Variants in BMPER observed in about 807,000 individuals in gnomAD.
BMPER encodes the protein BMP-binding endothelial regulator protein.
Under a neutral mutation model 87.3 loss-of-function variants are expected in BMPER, and 45 were observed. The observed-to-expected ratio is 0.52, with a 90% CI of 0.41 to 0.66. BMPER has a LOEUF of 0.66. Among genes scored for constraint, BMPER ranks in the 30% least tolerant of loss-of-function variants. The probability of loss-of-function intolerance (pLI) is 0.00; values close to 1 mark genes in which losing one functional copy is unlikely to be tolerated. For synonymous variants in BMPER, 326 were observed against 316.2 expected (o/e 1.03, Z -0.33); for missense variants, 784 against 867.5 (o/e 0.90, Z 1.21).
At chr7:34,128,433 C>T (rs1232233374) in intron 13 of BMPER, among the ~76,000 whole-genome samples, 1 of 152,118 alleles carries the variant, frequency 6.6e-6, no homozygotes, top group African/African-American at 2.4e-5. Context: ...TCATCTTTGT[C>T]CCTTGCTCAG....
intron 3 of BMPER, among the ~76,000 whole-genome samples, chr7:33,960,659 G>T (rs936521148): frequency 1.3e-5 from 2 of 152,178 alleles, no homozygotes; most frequent in African/African-American, 4.8e-5. Context: ...GATTTTGAAA[G>T]GAAAAGGCAC....
At chr7:33,957,767 A>G (rs1172213357) in intron 3 of BMPER, among the ~76,000 whole-genome samples, 1 of 152,158 alleles carries the variant, frequency 6.6e-6, no homozygotes, top group African/African-American at 2.4e-5. Context: ...GTGAATCTAT[A>G]TTTCAGAATT....
intron 13 of BMPER, among the ~76,000 whole-genome samples, chr7:34,132,402 A>G (rs190021220): frequency 5.1e-4 from 77 of 151,286 alleles, no homozygotes; most frequent in Admixed American, 1.3e-3. Context: ...CCACACCCCA[A>G]AGGCCCCAGG....
chr7:34,023,457 A>C (rs1231869923), intron 6 of BMPER, among the ~76,000 whole-genome samples: 1 of 152,054 alleles, frequency 6.6e-6, no homozygotes, highest in Non-Finnish European at 1.5e-5. Context: ...GATGTTAGTC[A>C]TAGAATCAGC....
intron 6 of BMPER, among the ~76,000 whole-genome samples, chr7:33,978,251 G>A (rs1013136729): frequency 6.6e-5 from 10 of 152,196 alleles, no homozygotes; most frequent in Non-Finnish European, 1.3e-4. Flanking sequence ...GCGCCATCTT[G>A]GAAGCAGAGA....
chr7:34,067,150 T>G (rs1270660664), intron 11 of BMPER: 1 of 152,228 alleles, frequency 6.6e-6, no homozygotes, highest in African/African-American at 2.4e-5. Context: ...CAGCAGCTCA[T>G]GGTGAGAGGA....
intron 13 of BMPER, among the ~76,000 whole-genome samples, chr7:34,121,879 T>G (rs1016463172): frequency 6.6e-6 from 1 of 152,012 alleles, no homozygotes; most frequent in Non-Finnish European, 1.5e-5. Flanking sequence ...CCCAGTACTT[T>G]GGGAGGCCAA....
chr7:34,065,234 CTCTCTCTCTCT>C, intron 11 of BMPER, among the ~76,000 whole-genome samples: 1 of 150,798 alleles, frequency 6.6e-6, no homozygotes, highest in African/African-American at 2.5e-5. Context: ...CTCTCTCTCT[CTCTCTCTCTCT>C]CTCCCTCTCT....
At chr7:33,933,910 A>C (rs907952434) in intron 2 of BMPER, among the ~76,000 whole-genome samples, 2 of 152,242 alleles carry the variant, frequency 1.3e-5, no homozygotes, top group African/African-American at 4.8e-5. Flanking sequence ...CTCCTCTGTA[A>C]GATGGCGATC....
At chr7:34,076,965 G>A (rs973286547) in intron 11 of BMPER, among the ~76,000 whole-genome samples, 1 of 152,164 alleles carries the variant, frequency 6.6e-6, no homozygotes, top group Non-Finnish European at 1.5e-5. Flanking sequence ...TTGCTGAGAA[G>A]GTGGAGTTAA....
chr7:34,141,040 T>C (rs569571528), intron 13 of BMPER, among the ~76,000 whole-genome samples: 29 of 151,548 alleles, frequency 1.9e-4, no homozygotes, highest in African/African-American at 6.6e-4. Context: ...GGTTAGAACC[T>C]GGGGCAGCCG....
chr7:34,149,344 T>G (rs1791112351), intron 14 of BMPER, among the ~76,000 whole-genome samples: 1 of 152,130 alleles, frequency 6.6e-6, no homozygotes, highest in South Asian at 2.1e-4. Context: ...TTAAAGCAAA[T>G]AAGCAAATAA....
chr7:34,056,410 A>T (rs1340382728), intron 9 of BMPER, among the ~76,000 whole-genome samples: 1 of 152,202 alleles, frequency 6.6e-6, no homozygotes, highest in Non-Finnish European at 1.5e-5. Flanking sequence ...AATAAAAAAA[A>T]TTAAAAAAGA....
At chr7:33,977,908 G>A (rs1785730292) in intron 6 of BMPER, among the ~76,000 whole-genome samples, 1 of 152,174 alleles carries the variant, frequency 6.6e-6, no homozygotes, top group Non-Finnish European at 1.5e-5. Flanking sequence ...AAGTATATAT[G>A]TGTAAGTAGT....
chr7:34,086,139 T>C (rs776647611), intron 13 of BMPER, 47 bp downstream of exon 13: 3 of 1,581,042 alleles, frequency 1.9e-6, no homozygotes, highest in Middle Eastern at 1.8e-4. Context: ...AGACCAATAA[T>C]AGACTTGACC....
At chr7:34,086,725 T>C (rs73316415) in intron 13 of BMPER, among the ~76,000 whole-genome samples, 1,666 of 152,326 alleles carry the variant, frequency 0.011, 31 homozygotes, top group African/African-American at 0.037. Context: ...CTTTTCTAAC[T>C]CTTTTTAACC....
intron 14 of BMPER, among the ~76,000 whole-genome samples, chr7:34,149,549 GAGAC>G (rs1017087222): frequency 6.6e-6 from 1 of 152,120 alleles, no homozygotes; most frequent in Non-Finnish European, 1.5e-5. Context: ...AATTGAGGAA[GAGAC>G]AGACAGAAGA....
At chr7:34,082,214 G>A (rs1000557948) in intron 12 of BMPER, among the ~76,000 whole-genome samples, 3 of 152,016 alleles carry the variant, frequency 2.0e-5, no homozygotes, top group African/African-American at 7.2e-5. Context: ...ACTCATCCCA[G>A]CTGCAGGAAG....
At chr7:34,043,455 T>C (rs1787882362) in intron 6 of BMPER, among the ~76,000 whole-genome samples, 1 of 152,154 alleles carries the variant, frequency 6.6e-6, no homozygotes, top group Non-Finnish European at 1.5e-5. Context: ...CATTCAGTCA[T>C]ATGGGCACAT....
Sources: allele counts gnomAD v4.1 joint callset (sites outside exome capture counted in the v4.1 genomes callset), GRCh38; gene constraint gnomAD v4.1.1; transcripts MANE v1.5; gene names NCBI Gene and HGNC (gene_info 2026-07-23, HGNC 2026-07-21).